CNTN4: variants seen among roughly 807,000 people sequenced by gnomAD.
CNTN4 encodes contactin 4.
In CNTN4, 77 loss-of-function variants were observed where a neutral mutation model predicts 122.5. The observed-to-expected ratio is 0.63, with a 90% CI of 0.52 to 0.76. The LOEUF (loss-of-function observed/expected upper bound fraction) is 0.76. Among genes scored for constraint, CNTN4 ranks in the 30% least tolerant of loss-of-function variants. CNTN4 has a pLI of 0.00. For synonymous variants in CNTN4, 512 were observed against 447.0 expected (o/e 1.15, Z -1.83); for missense variants, 1,256 against 1,259.1 (o/e 1.00, Z 0.04).
intron 2 of CNTN4, among the ~76,000 whole-genome samples, chr3:2,218,472 A>G (rs1405011803): frequency 1.3e-5 from 2 of 152,198 alleles, no homozygotes; most frequent in Non-Finnish European, 2.9e-5. Context: ...GTGTGCTGTG[A>G]GCGCACCTGT....
intron 2 of CNTN4, among the ~76,000 whole-genome samples, chr3:2,102,341 C>G (rs1014181379): frequency 2.6e-4 from 40 of 152,208 alleles, no homozygotes; most frequent in South Asian, 1.9e-3. Flanking sequence ...TTTCTGTGAG[C>G]CTTAGTTTCT....
intron 2 of CNTN4, among the ~76,000 whole-genome samples, chr3:2,194,604 G>A (rs961693616): frequency 6.6e-6 from 1 of 152,138 alleles, no homozygotes; most frequent in African/African-American, 2.4e-5. Context: ...TTTGTAAATA[G>A]GATTGTTGCA....
intron 4 of CNTN4, among the ~76,000 whole-genome samples, chr3:2,625,058 G>C (rs1023083949): frequency 6.6e-6 from 1 of 152,132 alleles, no homozygotes; most frequent in African/African-American, 2.4e-5. Flanking sequence ...TAGGGATGTG[G>C]TGAAGGCTAA....
At chr3:2,967,865 T>A (rs1259699449) in intron 13 of CNTN4, among the ~76,000 whole-genome samples, 1 of 150,940 alleles carries the variant, frequency 6.6e-6, no homozygotes, top group Admixed American at 6.6e-5. Context: ...TTTTTTTTTT[T>A]AATGACAATG....
intron 2 of CNTN4, among the ~76,000 whole-genome samples, chr3:2,231,812 T>C (rs933250365): frequency 6.6e-6 from 1 of 152,214 alleles, no homozygotes; most frequent in Non-Finnish European, 1.5e-5. Flanking sequence ...ACTCTTCAAT[T>C]TATTTAATCA....
intron 13 of CNTN4, among the ~76,000 whole-genome samples, chr3:2,963,613 A>G (rs570766887): frequency 6.6e-6 from 1 of 152,274 alleles, no homozygotes; most frequent in East Asian, 1.9e-4. Flanking sequence ...TCTTAGCTCA[A>G]GTAATACAAA....
At chr3:2,152,421 G>A (rs1206780473) in intron 2 of CNTN4, among the ~76,000 whole-genome samples, 1 of 152,120 alleles carries the variant, frequency 6.6e-6, no homozygotes, top group African/African-American at 2.4e-5. Context: ...AGACTGGGGA[G>A]GGGTGGAGCA....
intron 3 of CNTN4, among the ~76,000 whole-genome samples, chr3:2,458,990 T>C (rs1310563563): frequency 1.3e-5 from 2 of 152,168 alleles, no homozygotes; most frequent in African/African-American, 4.8e-5. Flanking sequence ...GACAGATGTG[T>C]GTGAATGTAG....
chr3:2,647,167 G>A (rs2083161839), intron 4 of CNTN4, among the ~76,000 whole-genome samples: 1 of 152,106 alleles, frequency 6.6e-6, no homozygotes, highest in East Asian at 1.9e-4. Flanking sequence ...GATCACCCGA[G>A]GTCAGGAGTT....
intron 6 of CNTN4, among the ~76,000 whole-genome samples, chr3:2,803,127 A>AATGAT (rs2092386869): frequency 6.6e-6 from 1 of 152,208 alleles, no homozygotes; most frequent in East Asian, 1.9e-4. Context: ...TAACTGGGTA[A>AATGAT]ATGATATGAA....
At chr3:2,710,258 C>T (rs555601883) in intron 4 of CNTN4, among the ~76,000 whole-genome samples, 15 of 152,230 alleles carry the variant, frequency 9.9e-5, no homozygotes, top group Admixed American at 4.6e-4. Context: ...GGCACCCATC[C>T]TGTATAGGAT....
chr3:2,641,753 T>C (rs2082905035), intron 4 of CNTN4, among the ~76,000 whole-genome samples: 1 of 152,358 alleles, frequency 6.6e-6, no homozygotes, highest in East Asian at 1.9e-4. Context: ...AATTTTGTTC[T>C]TTGCTGTTTT....
chr3:2,389,601 T>C (rs2046373179), intron 3 of CNTN4, among the ~76,000 whole-genome samples: 1 of 152,228 alleles, frequency 6.6e-6, no homozygotes, highest in South Asian at 2.1e-4. Context: ...TTCTTTCCTT[T>C]TACTATGGTC....
intron 2 of CNTN4, among the ~76,000 whole-genome samples, chr3:2,112,106 G>C (rs9860768): frequency 1.3e-5 from 2 of 151,992 alleles, no homozygotes; most frequent in African/African-American, 4.8e-5. Context: ...AGCACTATTT[G>C]AGATTTTATT....
rs1164732766 is a variant in CNTN4, at chr3:2,238,874, C to CA, written c.-144-100304_-144-100303insA. ...TCCCGAGTAGCTGGGACTACAGGCG[C>CA]CGCCACCACGCCTGGCTAATTTTTG... On this transcript the variant is annotated intron_variant, in intron 2 of 24. Coordinates refer to ENST00000418658, the MANE Select transcript of CNTN4 (RefSeq NM_175607.3). 64 of 46,418 alleles carry CA rather than the reference C, an allele frequency of 1.4e-3. 14 individuals carry two copies. The highest frequency in any genetic ancestry group is 3.5e-3 in the African/African-American group (58 of 16,590). The allele number at this position is 46,418 out of a possible 1,614,324, so 2.9% of individuals were successfully genotyped here.
At chr3:2,731,280 T>C (rs1039595496) in intron 4 of CNTN4, among the ~76,000 whole-genome samples, 8 of 152,070 alleles carry the variant, frequency 5.3e-5, no homozygotes, top group Middle Eastern at 3.2e-3. Flanking sequence ...GAAAGCAGAT[T>C]TTTTCAGCCT....
chr3:3,010,400 G>T (rs1038898897), intron 14 of CNTN4, among the ~76,000 whole-genome samples: 8 of 150,822 alleles, frequency 5.3e-5, no homozygotes, highest in African/African-American at 1.5e-4. Context: ...TCATCCAGTT[G>T]CTTTCCAGTA....
chr3:2,102,566 A>G (rs1233148108), intron 2 of CNTN4, among the ~76,000 whole-genome samples: 1 of 152,174 alleles, frequency 6.6e-6, no homozygotes, highest in Non-Finnish European at 1.5e-5. Flanking sequence ...GTACTCCTTC[A>G]AAGTGTGATT....
At chr3:2,626,354 A>G (rs113317185) in intron 4 of CNTN4, among the ~76,000 whole-genome samples, 3,006 of 152,132 alleles carry the variant, frequency 0.02, 84 homozygotes, top group African/African-American at 0.068. Context: ...AAAATTAGCC[A>G]GGCGTGGTGG....
Sources: gnomAD v4.1 joint callset for allele counts (sites outside exome capture counted in the v4.1 genomes callset) on GRCh38, gnomAD v4.1.1 for gene constraint, MANE v1.5 for transcripts, NCBI Gene and HGNC (gene_info 2026-07-23, HGNC 2026-07-21) for gene names.